Variants in DENND1A observed in about 807,000 individuals in gnomAD.
DENND1A encodes DENN domain containing 1A.
A neutral mutation model predicts 113.7 loss-of-function variants in DENND1A; 51 were observed. The observed-to-expected ratio is 0.45, with a 90% confidence interval of 0.36 to 0.57. The LOEUF (loss-of-function observed/expected upper bound fraction) is 0.57, where lower values mean the gene tolerates loss of function less well. Ranked by LOEUF, DENND1A falls within the 20% of genes least tolerant of loss-of-function variation. DENND1A has a pLI of 0.00. For missense variants in DENND1A, 1,258 were observed against 1,395.9 expected, an observed-to-expected ratio of 0.90 and a Z score of 1.57; for synonymous variants, 565 against 570.8, an observed-to-expected ratio of 0.99 and a Z score of 0.14.
chr9:123,696,796 G>T (rs2065548742), intron 5 of DENND1A, among the ~76,000 whole-genome samples: 1 of 152,168 alleles, frequency 6.6e-6, no homozygotes, highest in Admixed American at 6.5e-5. Flanking sequence ...CAGCGAAGGG[G>T]CAGGGATAGA....
chr9:123,829,032 A>G (rs973201465), intron 2 of DENND1A, among the ~76,000 whole-genome samples: 1 of 152,212 alleles, frequency 6.6e-6, no homozygotes, highest in African/African-American at 2.4e-5. Context: ...TTAGGCCACA[A>G]ATCATATGCT....
chr9:123,831,559 C>T (rs559850463), intron 2 of DENND1A, among the ~76,000 whole-genome samples: 50 of 152,184 alleles, frequency 3.3e-4, no homozygotes, highest in African/African-American at 1.1e-3. Flanking sequence ...TATAAAGCTT[C>T]AATAATTCAT....
At chr9:123,810,912 C>T (rs1476041044) in intron 2 of DENND1A, among the ~76,000 whole-genome samples, 1 of 152,104 alleles carries the variant, frequency 6.6e-6, no homozygotes, top group Non-Finnish European at 1.5e-5. Flanking sequence ...GCACCTACCA[C>T]CACGCCCGGC....
chr9:123,544,053 T>C (rs1649917493), intron 13 of DENND1A, among the ~76,000 whole-genome samples: 1 of 152,224 alleles, frequency 6.6e-6, no homozygotes, highest in African/African-American at 2.4e-5. Context: ...GTTAATACAA[T>C]CCCTAATAAA....
intron 5 of DENND1A, among the ~76,000 whole-genome samples, chr9:123,706,192 G>A (rs547373455): frequency 1.6e-4 from 24 of 148,310 alleles, no homozygotes; most frequent in African/African-American, 5.2e-4. Flanking sequence ...AGCCCAGGCC[G>A]GACTGCGGAC....
chr9:123,825,315 TAA>T (rs568358623), intron 2 of DENND1A, among the ~76,000 whole-genome samples: 10 of 141,746 alleles, frequency 7.1e-5, no homozygotes, highest in Admixed American at 1.4e-4. Context: ...GCTCTTCTTT[TAA>T]AAAAAAAAAA....
chr9:123,516,616 G>T (rs556736248), intron 13 of DENND1A, among the ~76,000 whole-genome samples: 1 of 152,028 alleles, frequency 6.6e-6, no homozygotes. Flanking sequence ...GGCCAGGCAC[G>T]GTGGCTCATG....
intron 2 of DENND1A, among the ~76,000 whole-genome samples, chr9:123,869,062 T>C (rs1846162748): frequency 6.6e-6 from 1 of 152,250 alleles, no homozygotes; most frequent in African/African-American, 2.4e-5. Context: ...GATATGTGCA[T>C]TTTCATTTAT....
At chr9:123,438,589 C>T (rs1301872417) in intron 19 of DENND1A, among the ~76,000 whole-genome samples, 2 of 151,280 alleles carry the variant, frequency 1.3e-5, no homozygotes, top group Non-Finnish European at 1.5e-5. Context: ...CGCATGCATG[C>T]ATTAAAAAAA....
intron 8 of DENND1A, among the ~76,000 whole-genome samples, chr9:123,663,693 T>G (rs1396946791): frequency 6.6e-6 from 1 of 152,084 alleles, no homozygotes; most frequent in Admixed American, 6.6e-5. Flanking sequence ...TTCATTTTTT[T>G]CTCTATGTAT....
intron 1 of DENND1A, among the ~76,000 whole-genome samples, chr9:123,903,185 A>C (rs988247843): frequency 3.3e-5 from 5 of 150,962 alleles, no homozygotes; most frequent in African/African-American, 9.8e-5. Flanking sequence ...ACAAAAAATT[A>C]GCCGGGCATA....
chr9:123,827,117 G>T (rs1329308728), intron 2 of DENND1A, among the ~76,000 whole-genome samples: 3 of 152,074 alleles, frequency 2.0e-5, no homozygotes, highest in African/African-American at 7.2e-5. Context: ...AACTAATTAT[G>T]TGGGAGGATT....
rs367989785 is a variant in DENND1A, at chr9:123,757,727, G to A, written c.278C>T (p.Ala93Val). The A allele has an allele frequency of 1.5e-5, 24 of 1,613,806 alleles. No homozygotes were observed. Among genetic ancestry groups the A allele is most frequent in the African/African-American group, 4.0e-5 (3 of 74,912 alleles). The stretch of plus-strand genomic sequence containing the variant: ...CCTTAAGATACAGAAGCAGCTCTTC[G>A]CTCCTGAAGATAAGCGGCAGAACCC... ...RFGFCRLSSGAKSCFCILSYL... is the reference protein window; with the variant it reads ...RFGFCRLSSGVKSCFCILSYL... The change falls in exon 5 of 24, where the codon GCG (alanine) becomes GTG (valine). Residue 93 changes from alanine (A) to valine (V), a missense_variant. This residue lies in a region of DENND1A where 99 missense variants were observed against 164.2 expected (regional missense o/e 0.60). Coordinates refer to ENST00000394215, the MANE Select transcript of DENND1A (RefSeq NM_001352964.2).
At chr9:123,693,437 T>C (rs1169550821) in intron 5 of DENND1A, among the ~76,000 whole-genome samples, 2 of 152,220 alleles carry the variant, frequency 1.3e-5, no homozygotes, top group African/African-American at 4.8e-5. Flanking sequence ...AGCCTGCTTG[T>C]GTTGCTCCTT....
intron 19 of DENND1A, chr9:123,414,143 C>T: frequency 1.0e-6 from 1 of 1,003,890 alleles, no homozygotes; most frequent in Non-Finnish European, 1.2e-6. Flanking sequence ...CCAGTTCTCC[C>T]ATTTACTCCC....
chr9:123,510,188 C>T (rs957621228), intron 13 of DENND1A, among the ~76,000 whole-genome samples: 2 of 152,256 alleles, frequency 1.3e-5, no homozygotes, highest in African/African-American at 4.8e-5. Flanking sequence ...TCTCTCACCA[C>T]CGTGGAGTTC....
At chr9:123,558,954 T>C (rs1189110398) in intron 12 of DENND1A, among the ~76,000 whole-genome samples, 3 of 152,170 alleles carry the variant, frequency 2.0e-5, no homozygotes, top group African/African-American at 7.2e-5. Context: ...GCTGACATTC[T>C]AGTGAGAAAA....
At chr9:123,745,051 C>A (rs867960788) in intron 5 of DENND1A, among the ~76,000 whole-genome samples, 5 of 152,166 alleles carry the variant, frequency 3.3e-5, no homozygotes, top group African/African-American at 1.2e-4. Context: ...GCAGGGATTA[C>A]AGGCGTGAGC....
At chr9:123,435,132 A>G (rs1435587812) in intron 19 of DENND1A, among the ~76,000 whole-genome samples, 2 of 145,652 alleles carry the variant, frequency 1.4e-5, no homozygotes, top group Non-Finnish European at 1.5e-5. Flanking sequence ...GGTGTGCAGT[A>G]TCCTGAGAAC....
Sources: gnomAD v4.1 joint callset for allele counts (sites outside exome capture counted in the v4.1 genomes callset) on GRCh38, gnomAD v4.1.1 for gene constraint, gnomAD v4.1.1 regional missense constraint, MANE v1.5 for transcripts, NCBI Gene and HGNC (gene_info 2026-07-23, HGNC 2026-07-21) for gene names.